Variants in SMOC1 observed in about 807,000 individuals in gnomAD.
The protein encoded by SMOC1 is SPARC related modular calcium binding 1, also known as SPARC-related modular calcium-binding protein 1.
Under a neutral mutation model 56.3 loss-of-function variants are expected in SMOC1, and 22 were observed. The ratio of observed to expected loss-of-function variants is 0.39; its 90% CI spans 0.28 to 0.56. SMOC1 has a LOEUF of 0.56. Ranked by LOEUF, SMOC1 falls within the 20% of genes least tolerant of loss-of-function variation. SMOC1 has a pLI of 0.61. For synonymous variants in SMOC1, 193 were observed against 215.0 expected (o/e 0.90, Z 0.89); for missense variants, 509 against 565.4 (o/e 0.90, Z 1.01).
chr14:69,936,224 G>A (rs1885292505), intron 1 of SMOC1, among the ~76,000 whole-genome samples: 1 of 152,152 alleles, frequency 6.6e-6, no homozygotes, highest in Non-Finnish European at 1.5e-5. Flanking sequence ...AGTGCCGCTG[G>A]CAGCCCCTAT....
chr14:69,960,627 G>A (rs1883337639), intron 3 of SMOC1, among the ~76,000 whole-genome samples: 1 of 152,054 alleles, frequency 6.6e-6, no homozygotes, highest in Non-Finnish European at 1.5e-5. Context: ...TATTATTACA[G>A]TGTGAACATC....
intron 1 of SMOC1, among the ~76,000 whole-genome samples, chr14:69,948,820 A>T (rs1011946683): frequency 6.6e-6 from 1 of 152,168 alleles, no homozygotes; most frequent in Non-Finnish European, 1.5e-5. Context: ...TACTACTCTC[A>T]TTTTACGGAT....
chr14:69,961,938 T>G (rs1316118024), intron 3 of SMOC1, among the ~76,000 whole-genome samples: 1 of 152,180 alleles, frequency 6.6e-6, no homozygotes, highest in Admixed American at 6.5e-5. Flanking sequence ...TCTTTCTTAT[T>G]AGTATCTTTT....
rs187417165 is a variant in SMOC1, at chr14:69,887,875, T to C, written c.99+8098T>C. Among the ~76,000 whole-genome samples, 99 of 152,012 alleles carry C rather than the reference T, an allele frequency of 6.5e-4. 2 individuals carry two copies. Among genetic ancestry groups the C allele is most frequent in the African/African-American group, 2.0e-3 (84 of 41,436 alleles). ...TGCCAGTGGGGCCTGTGGGTGGAGGTAGTGTCTGGACTAGGGGAAGGCCTG... is the reference window on the plus strand; with the variant it reads ...TGCCAGTGGGGCCTGTGGGTGGAGGCAGTGTCTGGACTAGGGGAAGGCCTG... On this transcript the variant is annotated intron_variant, in intron 1 of 11. Transcript: ENST00000361956.
At chr14:70,015,631 C>T (rs1885483808) in intron 10 of SMOC1, among the ~76,000 whole-genome samples, 1 of 151,946 alleles carries the variant, frequency 6.6e-6, no homozygotes, top group African/African-American at 2.4e-5. Context: ...GGCCAGGCCT[C>T]CTCCAGGAGG....
intron 1 of SMOC1, among the ~76,000 whole-genome samples, chr14:69,911,111 A>G (rs1884545350): frequency 6.6e-6 from 1 of 152,196 alleles, no homozygotes; most frequent in Admixed American, 6.5e-5. Flanking sequence ...GGCGCAGCAT[A>G]CAATATAGCT....
intron 1 of SMOC1, among the ~76,000 whole-genome samples, chr14:69,929,922 G>C (rs1481862237): frequency 1.8e-4 from 27 of 152,262 alleles, no homozygotes; most frequent in Admixed American, 1.7e-3. Flanking sequence ...TCTGGGCCAA[G>C]CTAGGATCAG....
intron 10 of SMOC1, 38 bp from the exon 11 acceptor site, chr14:70,023,165 G>A (rs1220671491): frequency 3.7e-6 from 6 of 1,613,598 alleles, no homozygotes; most frequent in Non-Finnish European, 5.1e-6. Flanking sequence ...GATCCTGATT[G>A]GTGTTCTCTG....
At chr14:69,895,839 C>CT (rs11376674) in intron 1 of SMOC1, among the ~76,000 whole-genome samples, 142,617 of 144,070 alleles carry the variant, frequency 0.99, 70,605 homozygotes, top group Non-Finnish European at 1. Flanking sequence ...CAGTTTGTAC[C>CT]TTTTTTTTTC....
intron 1 of SMOC1, among the ~76,000 whole-genome samples, chr14:69,892,281 A>C (rs1384665517): frequency 6.6e-6 from 1 of 152,216 alleles, no homozygotes; most frequent in Non-Finnish European, 1.5e-5. Flanking sequence ...TGTTTGCTGT[A>C]AGTTTCTCTA....
chr14:69,881,991 C>A (rs1219322528), intron 1 of SMOC1, among the ~76,000 whole-genome samples: 1 of 152,166 alleles, frequency 6.6e-6, no homozygotes, highest in Non-Finnish European at 1.5e-5. Context: ...GAGTGTTCAT[C>A]CGAGTGATGC....
chr14:69,970,886 G>A (rs1883739781), intron 3 of SMOC1, among the ~76,000 whole-genome samples: 1 of 152,188 alleles, frequency 6.6e-6, no homozygotes, highest in African/African-American at 2.4e-5. Flanking sequence ...TATCTGGATG[G>A]GGGTTGGCCT....
rs370964691 is a variant in SMOC1 at position 69,905,299 on chromosome 14, C to T, written c.99+25522C>T. Among the ~76,000 whole-genome samples, 28 of 151,882 alleles carry T rather than the reference C, an allele frequency of 1.8e-4. No individual in the cohort carries two copies. In the South Asian group the frequency reaches 5.4e-3, roughly 29 times the overall value. The stretch of plus-strand genomic sequence containing the variant: ...GAGAGGAACGTCCAAGCAGAGGGAA[C>T]GCATGTGCAAAGGCATAGAAGTATG... On this transcript the variant is annotated intron_variant, in intron 1 of 11. Coordinates refer to ENST00000361956, the MANE Select transcript of SMOC1 (RefSeq NM_001034852.3).
At chr14:69,889,402 C>CA (rs1050013734) in intron 1 of SMOC1, among the ~76,000 whole-genome samples, 4 of 152,202 alleles carry the variant, frequency 2.6e-5, no homozygotes, top group Non-Finnish European at 1.5e-5. Flanking sequence ...TTGCTTACCC[C>CA]TATGATGGCA....
intron 7 of SMOC1, among the ~76,000 whole-genome samples, chr14:69,997,636 A>G (rs781450323): frequency 2.0e-5 from 3 of 151,524 alleles, no homozygotes; most frequent in African/African-American, 4.8e-5. Flanking sequence ...GATTTTTTAA[A>G]CCCAACAAAA....
chr14:69,943,855 G>A (rs1265233179), intron 1 of SMOC1, among the ~76,000 whole-genome samples: 1 of 152,184 alleles, frequency 6.6e-6, no homozygotes, highest in Non-Finnish European at 1.5e-5. Flanking sequence ...AACTACTATA[G>A]ACCCAAACCA....
rs139286254 is a variant in SMOC1, at chr14:69,991,140, CATAA to C, written c.527-1273_527-1270del. 1.2e-3 allele frequency among the ~76,000 whole-genome samples: 182 copies of C among 152,224 alleles called. 1 individual carries two copies. The highest frequency in any genetic ancestry group is 4.1e-3 in the African/African-American group (171 of 41,536). ...AGACTATCTGAGAACTTGCAATCTG[CATAA>C]ATAGTTAATGCTCAGAGAATATAGT... is the stretch of plus-strand genomic sequence containing the variant. On this transcript the variant is annotated intron_variant, in intron 5 of 11. Coordinates refer to ENST00000361956, the MANE Select transcript of SMOC1 (RefSeq NM_001034852.3).
At chr14:70,024,925 G>C (rs977658832) in intron 11 of SMOC1, among the ~76,000 whole-genome samples, 6 of 152,208 alleles carry the variant, frequency 3.9e-5, no homozygotes, top group African/African-American at 1.2e-4. Context: ...GCATGGCACA[G>C]TCCAGGCTAG....
intron 1 of SMOC1, among the ~76,000 whole-genome samples, chr14:69,908,315 A>G (rs1181916658): frequency 1.3e-5 from 2 of 152,242 alleles, no homozygotes; most frequent in Non-Finnish European, 2.9e-5. Context: ...TCTTGTGTGT[A>G]TAAATAGAAT....
Sources: gnomAD v4.1 joint callset for allele counts (sites outside exome capture counted in the v4.1 genomes callset) on GRCh38, gnomAD v4.1.1 for gene constraint, MANE v1.5 for transcripts, NCBI Gene and HGNC (gene_info 2026-07-23, HGNC 2026-07-21) for gene names.